Variants in MEIS1 observed in about 807,000 individuals in gnomAD.
MEIS1 encodes the protein Meis homeobox 1.
Under a neutral mutation model 50.8 loss-of-function variants are expected in MEIS1, and 5 were observed. The observed-to-expected ratio is 0.10, with a 90% CI of 0.05 to 0.21. MEIS1 has a LOEUF of 0.21. MEIS1 is among the 10% of genes least tolerant of loss of function. The pLI is 1.00. For missense variants in MEIS1, 318 were observed against 517.3 expected (o/e 0.61, Z 3.74); for synonymous variants, 176 against 179.3 (o/e 0.98, Z 0.15).
intron 6 of MEIS1, among the ~76,000 whole-genome samples, chr2:66,457,309 G>T (rs1223074496): frequency 6.6e-6 from 1 of 152,016 alleles, no homozygotes; most frequent in Non-Finnish European, 1.5e-5. Flanking sequence ...CATGGTAGTT[G>T]AGTGGGTTGA....
At chr2:66,451,922 C>G (rs1672284657) in intron 6 of MEIS1, among the ~76,000 whole-genome samples, 1 of 151,508 alleles carries the variant, frequency 6.6e-6, no homozygotes, top group Admixed American at 6.6e-5. Context: ...AATTTTTCTT[C>G]CTGAAGGAAA....
intron 7 of MEIS1, among the ~76,000 whole-genome samples, chr2:66,483,216 A>ATTTTTTTTTTTTTTTT (rs774480552): frequency 8.3e-6 from 1 of 121,194 alleles, no homozygotes; most frequent in African/African-American, 3.1e-5. Flanking sequence ...AGTTATGCTT[A>ATTTTTTTTTTTTTTTT]TTTTTTTTTT....
At chr2:66,495,078 ACCTTT>A (rs1673365396) in intron 7 of MEIS1, among the ~76,000 whole-genome samples, 1 of 85,014 alleles carries the variant, frequency 1.2e-5, no homozygotes, top group African/African-American at 3.8e-5. Context: ...CCCTCTTCTG[ACCTTT>A]TTTTTTTTTT....
At chr2:66,566,810 C>A (rs377514103) in intron 9 of MEIS1, among the ~76,000 whole-genome samples, 62 of 138,558 alleles carry the variant, frequency 4.5e-4, no homozygotes, top group Non-Finnish European at 5.4e-4. Context: ...ACATAAAGAG[C>A]AAAAAAAAAA....
chr2:66,502,291 G>T (rs1470706843), intron 7 of MEIS1, among the ~76,000 whole-genome samples: 1 of 152,130 alleles, frequency 6.6e-6, no homozygotes, highest in Non-Finnish European at 1.5e-5. Context: ...GGGGAATAGA[G>T]GGGAGGCAGA....
rs375684991 is a variant in MEIS1, at chr2:66,437,815, A to C, written c.91A>C (p.Arg31=). The change falls in exon 2 of 13, where the codon AGG becomes CGG. Residue 31 remains arginine, a synonymous_variant. Transcript: ENST00000272369. ...STMYGDPHAA[R]SMQPVHHLNH... ...GATGTATGGGGACCCGCATGCAGCC[A>C]GGTCCATGCAGCCGGTCCACCACCT... is the stretch of plus-strand genomic sequence containing the variant. The C allele has an allele frequency of 4.1e-4, 666 of 1,613,990 alleles. No homozygotes were observed. The highest frequency in any genetic ancestry group is 5.4e-4 in the Non-Finnish European group (641 of 1,179,892).
chr2:66,537,493 A>G (rs1329882782), intron 8 of MEIS1, among the ~76,000 whole-genome samples: 3 of 152,174 alleles, frequency 2.0e-5, no homozygotes, highest in Non-Finnish European at 4.4e-5. Context: ...TACCAGTTCC[A>G]GGGGTCTTTA....
rs191383116 is a variant in MEIS1, at chr2:66,491,458, T to G, written c.743-20691T>G. On this transcript the variant is annotated intron_variant, in intron 7 of 12. Transcript: ENST00000272369. ...AAATGGTATCCATTCCTATAGAAAA[T>G]ATGGTTCTTATTCCACCTTAATGGG... Among the ~76,000 whole-genome samples, 264 of 152,294 alleles carry G rather than the reference T, an allele frequency of 1.7e-3. 1 individual carries two copies. The highest frequency in any genetic ancestry group is 6.1e-3 in the African/African-American group (252 of 41,584).
At chr2:66,558,532 C>T (rs1675133343) in intron 9 of MEIS1, among the ~76,000 whole-genome samples, 1 of 152,038 alleles carries the variant, frequency 6.6e-6, no homozygotes, top group South Asian at 2.1e-4. Flanking sequence ...TACATATTGA[C>T]ATATATTATT....
chr2:66,441,907 CA>C (rs573610145), intron 5 of MEIS1: 91 of 166,644 alleles, frequency 5.5e-4, no homozygotes, highest in Admixed American at 3.6e-3. Context: ...AGATCAGACA[CA>C]GGGGAGAGGC....
At chr2:66,532,639 C>T (rs1055621394) in intron 8 of MEIS1, among the ~76,000 whole-genome samples, 6 of 151,966 alleles carry the variant, frequency 3.9e-5, no homozygotes, top group Admixed American at 3.3e-4. Context: ...CAGCTTTCAT[C>T]TGTAAAATCT....
rs570232858 is a variant in MEIS1, at chr2:66,451,443, A to C, written c.630+8395A>C. ...CCGTCAAAAGGACAGTGAAGAGAGC[A>C]ATTTGACTGTACATCCAGAGTTTCC... On this transcript the variant is annotated intron_variant, in intron 6 of 12. Transcript: ENST00000272369. Among the ~76,000 whole-genome samples, 4 of 152,202 alleles carry C rather than the reference A, an allele frequency of 2.6e-5. No individual in the cohort carries two copies. In the East Asian group the frequency reaches 7.7e-4, roughly 29 times the overall value.
In MEIS1 at chr2:66,442,882, T is replaced by A; in HGVS notation, c.484-20T>A. On this transcript the variant is annotated intron_variant, in intron 5 of 12. Transcript: ENST00000272369. ...CACTCCTGATTATATTCCCATTTTT[T>A]TATTTCTGTCATAATGTAGGTACAC... The A allele has an allele frequency of 6.4e-7, 1 of 1,570,758 alleles. No individual in the cohort carries two copies.
chr2:66,440,412 G>A (rs1017358425), intron 3 of MEIS1, 150 bp from the exon 4 acceptor site: 12 of 697,718 alleles, frequency 1.7e-5, no homozygotes, highest in Non-Finnish European at 2.6e-5. Context: ...TGCGCGGGAC[G>A]AACTCGGTGT....
At chr2:66,544,861 A>C (rs1674751407) in intron 8 of MEIS1, among the ~76,000 whole-genome samples, 1 of 152,196 alleles carries the variant, frequency 6.6e-6, no homozygotes, top group Non-Finnish European at 1.5e-5. Context: ...TGATGTGAAG[A>C]AACAACTGAA....
At chr2:66,453,775 A>G in intron 6 of MEIS1, among the ~76,000 whole-genome samples, 1 of 152,014 alleles carries the variant, frequency 6.6e-6, no homozygotes, top group Non-Finnish European at 1.5e-5. Flanking sequence ...TCTGTTATTC[A>G]AAGTATAATG....
intron 7 of MEIS1, among the ~76,000 whole-genome samples, chr2:66,497,171 A>G (rs1457540871): frequency 6.6e-6 from 1 of 152,166 alleles, no homozygotes; most frequent in Non-Finnish European, 1.5e-5. Context: ...AAAGAAATGC[A>G]CCTTGATCAT....
intron 3 of MEIS1, 47 bp downstream of exon 3, chr2:66,440,031 C>T (rs1671915402): frequency 1.3e-6 from 2 of 1,539,366 alleles, no homozygotes; most frequent in East Asian, 4.8e-5. Flanking sequence ...AAAGAGAGCC[C>T]CCCCTTCGCC....
chr2:66,531,397 C>G (rs1443459359), intron 8 of MEIS1, among the ~76,000 whole-genome samples: 1 of 152,196 alleles, frequency 6.6e-6, no homozygotes, highest in East Asian at 1.9e-4. Context: ...ATAGGAAGGA[C>G]TACTGACAAG....
Sources: allele counts gnomAD v4.1 joint callset (sites outside exome capture counted in the v4.1 genomes callset), GRCh38; gene constraint gnomAD v4.1.1; transcripts MANE v1.5; gene names NCBI Gene and HGNC (gene_info 2026-07-23, HGNC 2026-07-21).